LGALS3BP: variants seen among roughly 807,000 people sequenced by gnomAD.
LGALS3BP encodes the protein galectin-3-binding protein.
In LGALS3BP, 25 loss-of-function variants were observed where a neutral mutation model predicts 22.9. The observed-to-expected ratio is 1.09, with a 90% CI of 0.80 to 1.53. The LOEUF (loss-of-function observed/expected upper bound fraction) is 1.53. LGALS3BP is among the 40% of genes most tolerant of loss of function. The pLI is 0.00. For synonymous variants in LGALS3BP, 335 were observed against 331.1 expected (o/e 1.01, Z -0.13); for missense variants, 718 against 752.0 (o/e 0.95, Z 0.53).
Position 78,973,301 on chromosome 17 carries a change from A to C in LGALS3BP, c.377-79T>G, listed in dbSNP as rs2070691965. ...TCTCTGGGGTCAGTGTCTTCATCTGAAAGTGAGGGATTTGTGGCTGCCTCA... is the reference window on the plus strand; with the variant it reads ...TCTCTGGGGTCAGTGTCTTCATCTGCAAGTGAGGGATTTGTGGCTGCCTCA... On this transcript the variant is annotated intron_variant, in intron 4 of 5. Coordinates refer to ENST00000262776, the MANE Select transcript of LGALS3BP (RefSeq NM_005567.4). The surrounding 1 kb of genome is among the most constrained non-coding windows in gnomAD (Gnocchi z 5.8). 33 of 1,407,904 alleles carry C rather than the reference A, an allele frequency of 2.3e-5. No homozygotes were observed. Among genetic ancestry groups the C allele is most frequent in the Non-Finnish European group, 3.1e-5 (33 of 1,072,882 alleles). 87.2% of individuals were successfully genotyped at this position (1,407,904 alleles called of 1,614,324 possible).
rs975867223 is a variant in LGALS3BP, at chr17:78,971,645, T to C, written c.1689A>G (p.Ala563=). The change falls in exon 6 of 6, where the codon GCA becomes GCG. Residue 563 remains alanine, a synonymous_variant. Coordinates refer to ENST00000262776, the MANE Select transcript of LGALS3BP (RefSeq NM_005567.4). This position sits in a 1 kb window ranked among gnomAD's most constrained non-coding sequence, Gnocchi z 5.6. ...CCGTGCGGAAGCCGTTGAAGTGCCC[T>C]GCCGGGCAGGGGAAGGAGGAGGTGC... ...SKSTSSFPCP[A]GHFNGFRTVI... 1.4e-5 allele frequency: 23 copies of C among 1,613,566 alleles called. No homozygotes were observed. The highest frequency in any genetic ancestry group is 1.9e-5 in the Non-Finnish European group (23 of 1,179,994).
Position 78,972,133 on chromosome 17 carries a change from C to G in LGALS3BP, c.1201G>C (p.Glu401Gln). Reference sequence around the variant, plus strand: ...TAAATCCGGGGCTTGTAGGTATCCTCGGTGAGGTTCAGGCCTTTGTACCGG... The same window carrying G: ...TAAATCCGGGGCTTGTAGGTATCCTGGGTGAGGTTCAGGCCTTTGTACCGG... The part of the protein sequence containing the change: ...LARYKGLNLT[E>Q]DTYKPRIYTS... The change falls in exon 6 of 6, where the codon GAG (glutamate) becomes CAG (glutamine). Residue 401 changes from glutamate (E) to glutamine (Q), a missense_variant. Transcript: ENST00000262776. The surrounding 1 kb of genome is among the most constrained non-coding windows in gnomAD (Gnocchi z 5.1). 1 of 1,613,440 alleles carries G rather than the reference C, an allele frequency of 6.2e-7. No individual in the cohort carries two copies. The highest frequency in any genetic ancestry group is 1.3e-5 in the African/African-American group (1 of 74,998).
In LGALS3BP at chr17:78,976,343, C is replaced by T. The variant is rs1173791868; in HGVS notation, c.53-187G>A. Among the ~76,000 whole-genome samples, 1 of 152,218 alleles carries T rather than the reference C, an allele frequency of 6.6e-6. No homozygotes were observed. The highest frequency in any genetic ancestry group is 1.5e-5 in the Non-Finnish European group (1 of 68,030). On this transcript the variant is annotated intron_variant, in intron 2 of 5. Transcript: ENST00000262776. This position sits in a 1 kb window ranked among gnomAD's most constrained non-coding sequence, Gnocchi z 4.6. The stretch of plus-strand genomic sequence containing the variant: ...TGGAAGATACATACAGCCCCCCCTA[C>T]CCCGCAAGGAGGCCAAACTCGCCTT...
Position 78,976,139 on chromosome 17 carries a change from T to G in LGALS3BP, c.70A>C (p.Met24Leu), listed in dbSNP as rs573759746. Residue 24 changes from methionine (M) to leucine (L), a missense_variant, in exon 3 of 6, where the codon ATG (methionine) becomes CTG (leucine). Coordinates refer to ENST00000262776, the MANE Select transcript of LGALS3BP (RefSeq NM_005567.4). This position sits in a 1 kb window ranked among gnomAD's most constrained non-coding sequence, Gnocchi z 4.6. Reference sequence around the variant, plus strand: ...GTGGCGCCCCCATCGGCCAGCCGCATGTCACCATCGTTCACGCCTGCAGGC... The same window carrying G: ...GTGGCGCCCCCATCGGCCAGCCGCAGGTCACCATCGTTCACGCCTGCAGGC... ...AGTQGVNDGD[M>L]RLADGGATNQ... 2.4e-5 allele frequency: 38 copies of G among 1,585,806 alleles called. No individual in the cohort carries two copies. The highest frequency in any genetic ancestry group is 3.0e-5 in the Non-Finnish European group (35 of 1,166,768).
Position 78,972,001 on chromosome 17 carries a change from C to T in LGALS3BP, c.1333G>A (p.Asp445Asn), listed in dbSNP as rs1599200384. The change falls in exon 6 of 6, where the codon GAT (aspartate) becomes AAT (asparagine). Residue 445 changes from aspartate to asparagine, a missense_variant. By Grantham distance (23) the Asp-to-Asn change is conservative (BLOSUM62 1). Transcript: ENST00000262776. This position sits in a 1 kb window ranked among gnomAD's most constrained non-coding sequence, Gnocchi z 5.1. Reference sequence around the variant, plus strand: ...TAGTCAGAGGGGGCTTGGAAGTAATCAGAAGAATATTTGACCAAAGGCCCC... The same window carrying T: ...TAGTCAGAGGGGGCTTGGAAGTAATTAGAAGAATATTTGACCAAAGGCCCC... ...RRGPLVKYSSDYFQAPSDYRY... is the reference protein window; with the variant it reads ...RRGPLVKYSSNYFQAPSDYRY... The T allele has an allele frequency of 1.2e-6, 2 of 1,614,044 alleles. No individual in the cohort carries two copies. Among genetic ancestry groups the T allele is most frequent in the South Asian group, 1.1e-5 (1 of 91,072 alleles).
At chr17:78,975,276 T>G (rs2070709779) in intron 3 of LGALS3BP, among the ~76,000 whole-genome samples, 1 of 152,106 alleles carries the variant, frequency 6.6e-6, no homozygotes, top group South Asian at 2.1e-4. Context: ...GGATTGTTTC[T>G]TTTTTTTCCA....
chr17:78,975,860 G>T, intron 3 of LGALS3BP, 105 bp downstream of exon 3: 4 of 450,314 alleles, frequency 8.9e-6, no homozygotes, highest in Non-Finnish European at 7.4e-6. Context: ...AATCCAATTT[G>T]CATGTCTTTG....
In LGALS3BP at chr17:78,973,176, C is replaced by T; in HGVS notation, c.423G>A (p.Glu141=). ...HTLDLSRELS[E]ALGQIFDSQR... The stretch of plus-strand genomic sequence containing the variant: ...GGCTGTCAAAGATCTGGCCAAGGGC[C>T]TCCGAGAGCTCCCTGGAGAGGTCCA... The change falls in exon 5 of 6, where the codon GAG becomes GAA. Residue 141 remains glutamate (E), a synonymous_variant. Coordinates refer to ENST00000262776, the MANE Select transcript of LGALS3BP (RefSeq NM_005567.4). This position sits in a 1 kb window ranked among gnomAD's most constrained non-coding sequence, Gnocchi z 5.8. 1.9e-6 allele frequency: 3 copies of T among 1,598,072 alleles called. No homozygotes were observed. Among genetic ancestry groups the T allele is most frequent in the Non-Finnish European group, 2.6e-6 (3 of 1,173,116 alleles).
At position 78,972,627 on chromosome 17, in the gene LGALS3BP, G is replaced by A; in HGVS notation, c.707C>T (p.Ala236Val). The A allele has an allele frequency of 1.3e-6, 2 of 1,554,648 alleles. No individual in the cohort carries two copies. Among genetic ancestry groups the A allele is most frequent in the Non-Finnish European group, 8.7e-7 (1 of 1,149,750 alleles). ...CFHKLASAYG[A>V]RQLQGYCASL... is the part of the protein sequence containing the mutation. ...TGCGCAGTAGCCCTGCAGCTGCCTG[G>A]CCCCATAGGCAGAGGCCAGCTTGTG... The change falls in exon 6 of 6, where the codon GCC (alanine) becomes GTC (valine). Residue 236 changes from alanine (A) to valine (V), a missense_variant. Transcript: ENST00000262776. The surrounding 1 kb of genome is among the most constrained non-coding windows in gnomAD (Gnocchi z 5.1).
At chr17:78,977,080 C>T (rs779779165) in intron 2 of LGALS3BP, 60 bp downstream of exon 2, 13 of 1,573,404 alleles carry the variant, frequency 8.3e-6, no homozygotes, top group Admixed American at 1.7e-5. Flanking sequence ...TCTGAGCAGC[C>T]CCAGGGTGCA....
intron 1 of LGALS3BP, 98 bp from the exon 2 acceptor site, chr17:78,977,312 TGTGTG>T: frequency 4.2e-6 from 4 of 954,580 alleles, no homozygotes; most frequent in Non-Finnish European, 6.3e-6. Context: ...CAACCTGGGC[TGTGTG>T]GCAGGCGGGG....
intron 1 of LGALS3BP, among the ~76,000 whole-genome samples, chr17:78,978,482 C>T (rs2070738690): frequency 6.6e-6 from 1 of 152,380 alleles, no homozygotes; most frequent in South Asian, 2.1e-4. Context: ...ATGGGCTCCA[C>T]ATCCACAGTC....
In LGALS3BP at chr17:78,977,815, C is replaced by T. The variant is rs1013980746; in HGVS notation, c.-23-601G>A. ...GATATATCGGGGCTCCGTGGTGTTC[C>T]GATGGGGAAGATAGATGAAAAGGGT... On this transcript the variant is annotated intron_variant, in intron 1 of 5. Transcript: ENST00000262776. Among the ~76,000 whole-genome samples the T allele has an allele frequency of 5.3e-5, 8 of 152,040 alleles. No individual in the cohort carries two copies. The South Asian group carries it at 1.5e-3, about 28-fold the overall frequency.
In LGALS3BP at chr17:78,973,370, C is replaced by G. The variant is rs561233017; in HGVS notation, c.377-148G>C. ...TGGGAAGACGAGGGACAAGAGAGACCGGAAGTGTCGGATTCCTGGACCCTG... is the reference window on the plus strand; with the variant it reads ...TGGGAAGACGAGGGACAAGAGAGACGGGAAGTGTCGGATTCCTGGACCCTG... On this transcript the variant is annotated intron_variant, in intron 4 of 5. Coordinates refer to ENST00000262776, the MANE Select transcript of LGALS3BP (RefSeq NM_005567.4). The surrounding 1 kb of genome is among the most constrained non-coding windows in gnomAD (Gnocchi z 5.8). The G allele has an allele frequency of 1.1e-6, 1 of 946,016 alleles. No individual in the cohort carries two copies. Among genetic ancestry groups the G allele is most frequent in the South Asian group, 1.9e-5 (1 of 53,870 alleles). The allele number at this position is 946,016 out of a possible 1,614,324, so 58.6% of individuals were successfully genotyped here.
rs923974095 is a variant in LGALS3BP, at chr17:78,972,140, G to A, written c.1194C>T (p.Asn398=). ...FQLLARYKGL[N]LTEDTYKPRI... ...GGGGCTTGTAGGTATCCTCGGTGAG[G>A]TTCAGGCCTTTGTACCGGGCCAGCA... Residue 398 remains asparagine, a synonymous_variant, in exon 6 of 6, where the codon AAC becomes AAT. Coordinates refer to ENST00000262776, the MANE Select transcript of LGALS3BP (RefSeq NM_005567.4). The surrounding 1 kb of genome is among the most constrained non-coding windows in gnomAD (Gnocchi z 5.1). The A allele has an allele frequency of 6.2e-6, 10 of 1,613,792 alleles. No individual in the cohort carries two copies. Among genetic ancestry groups the A allele is most frequent in the Non-Finnish European group, 8.5e-6 (10 of 1,179,926 alleles).
chr17:78,975,938 T>A (rs1220470851), intron 3 of LGALS3BP, 27 bp downstream of exon 3: 1 of 1,557,952 alleles, frequency 6.4e-7, no homozygotes, highest in Non-Finnish European at 8.7e-7. Context: ...GGTCTCAGCC[T>A]CAGTGGAAGG....
In LGALS3BP at chr17:78,971,679, C is replaced by T; in HGVS notation, c.1655G>A (p.Ser552Asn). Residue 552 changes from serine to asparagine, a missense_variant, in exon 6 of 6, where the codon AGC becomes AAC. Ser to Asn is a conservative substitution (Grantham distance 46). Coordinates refer to ENST00000262776, the MANE Select transcript of LGALS3BP (RefSeq NM_005567.4). This position sits in a 1 kb window ranked among gnomAD's most constrained non-coding sequence, Gnocchi z 5.6. ...GGGGAAGGAGGAGGTGCTCTTCGAG[C>T]TGTTGGTGTCCAGGGCACTGGGAAT... ...AAIPSALDTN[S>N]SKSTSSFPCP... is the part of the protein sequence containing the mutation. 1.9e-6 allele frequency: 3 copies of T among 1,613,866 alleles called. No individual in the cohort carries two copies. Among genetic ancestry groups the T allele is most frequent in the Non-Finnish European group, 2.5e-6 (3 of 1,180,012 alleles).
intron 1 of LGALS3BP, 29 bp from the exon 2 acceptor site, chr17:78,977,243 G>A: frequency 6.3e-7 from 1 of 1,588,850 alleles, no homozygotes; most frequent in Non-Finnish European, 8.6e-7. Flanking sequence ...GAGGGGTGAG[G>A]CACGGGAGCC....
In LGALS3BP at chr17:78,973,046, G is replaced by A; in HGVS notation, c.553C>T (p.Leu185=). 2 of 1,613,910 alleles carry A rather than the reference G, an allele frequency of 1.2e-6. No homozygotes were observed. Among genetic ancestry groups the A allele is most frequent in the Non-Finnish European group, 1.7e-6 (2 of 1,179,986 alleles). ...ACATTGCTGCCCGGCTCCTTCCACA[G>A]GGCCTGGGCCTCCAGGTTGGCAGTC... ...ILTANLEAQA[L]WKEPGSNVTM... Residue 185 remains leucine, a synonymous_variant, in exon 5 of 6, where the codon CTG becomes TTG. Transcript: ENST00000262776. This position sits in a 1 kb window ranked among gnomAD's most constrained non-coding sequence, Gnocchi z 5.8.
Sources: allele counts gnomAD v4.1 joint callset (sites outside exome capture counted in the v4.1 genomes callset), GRCh38; gene constraint gnomAD v4.1.1; non-coding constraint Gnocchi (gnomAD v3.1); transcripts MANE v1.5; gene names NCBI Gene and HGNC (gene_info 2026-07-23, HGNC 2026-07-21).